The following KCTD9 variants were observed in gnomAD, a reference collection of about 807,000 sequenced individuals.
The protein encoded by KCTD9 is BTB/POZ domain-containing protein KCTD9.
Under a neutral mutation model 53.3 loss-of-function variants are expected in KCTD9, and 17 were observed. The observed-to-expected ratio is 0.32, with a 90% CI of 0.22 to 0.48. The LOEUF (loss-of-function observed/expected upper bound fraction) is 0.48, where lower values mean the gene tolerates loss of function less well. KCTD9 is among the 20% of genes least tolerant of loss of function. The pLI, the probability that KCTD9 is intolerant of heterozygous loss-of-function variation, is 0.99. For synonymous variants in KCTD9, 128 were observed against 162.7 expected (o/e 0.79, Z 1.62); for missense variants, 179 against 465.5 (o/e 0.38, Z 5.66).
At chr8:25,439,145 G>A in intron 6 of KCTD9, 134 bp downstream of exon 6, 1 of 722,714 alleles carries the variant, frequency 1.4e-6, no homozygotes, top group Non-Finnish European at 2.1e-6. Context: ...AAAACATCTA[G>A]TTTAAAAAAT....
chr8:25,435,555 T>A, intron 8 of KCTD9, 43 bp from the exon 9 acceptor site: 2 of 1,542,188 alleles, frequency 1.3e-6, no homozygotes, highest in Non-Finnish European at 1.7e-6. Context: ...CTAAATCGTC[T>A]GTTTGTATTA....
intron 6 of KCTD9, among the ~76,000 whole-genome samples, chr8:25,436,927 G>T (rs915858506): frequency 6.6e-6 from 1 of 152,152 alleles, no homozygotes; most frequent in African/African-American, 2.4e-5. Context: ...CAATCAGTTG[G>T]CTGTTGACTC....
At chr8:25,432,737 T>C in intron 10 of KCTD9, 100 bp from the exon 11 acceptor site, 1 of 1,041,858 alleles carries the variant, frequency 9.6e-7, no homozygotes, top group Non-Finnish European at 1.4e-6. Context: ...TTTTAACTTT[T>C]GGAAATTAAT....
At chr8:25,444,264 G>A (rs758390925) in intron 3 of KCTD9, 28 bp downstream of exon 3, 20 of 1,329,766 alleles carry the variant, frequency 1.5e-5, no homozygotes, top group East Asian at 1.1e-4. Context: ...TTTTTTGGCA[G>A]ATAAAATTGG....
intron 1 of KCTD9, among the ~76,000 whole-genome samples, chr8:25,449,216 A>G (rs2117433071): frequency 6.6e-6 from 1 of 152,346 alleles, no homozygotes; most frequent in Non-Finnish European, 1.5e-5. Flanking sequence ...AAAAGAGGGT[A>G]AGAAGCACAA....
intron 3 of KCTD9, among the ~76,000 whole-genome samples, chr8:25,441,296 C>T (rs1011238029): frequency 6.6e-6 from 1 of 151,992 alleles, no homozygotes; most frequent in African/African-American, 2.4e-5. Context: ...AACTCTAGAG[C>T]CATGAAATTG....
rs1236374988 is a variant in KCTD9, at chr8:25,435,526, G to C, written c.664-14C>G. 8.9e-6 allele frequency: 14 copies of C among 1,579,912 alleles called. No individual in the cohort carries two copies. Among genetic ancestry groups the C allele is most frequent in the African/African-American group, 1.4e-5 (1 of 73,018 alleles). On this transcript the variant is annotated splice_polypyrimidine_tract_variant and intron_variant, in intron 8 of 11. Coordinates refer to ENST00000221200, the MANE Select transcript of KCTD9 (RefSeq NM_017634.4). ...GAAGTTCAAACCCTGAAATAAAAAA[G>C]CACAAATTGTCACCATAACTAAATC...
At chr8:25,456,017 G>A (rs922749576) in intron 1 of KCTD9, among the ~76,000 whole-genome samples, 3 of 152,242 alleles carry the variant, frequency 2.0e-5, no homozygotes, top group East Asian at 1.9e-4. Context: ...TCTCTCCAAC[G>A]TCAAATACGT....
At chr8:25,447,865 G>A (rs939246904) in intron 1 of KCTD9, among the ~76,000 whole-genome samples, 2 of 152,192 alleles carry the variant, frequency 1.3e-5, no homozygotes, top group Non-Finnish European at 2.9e-5. Flanking sequence ...AATGGCTCAT[G>A]CCTGTAATCC....
rs183817821 is a variant in KCTD9, at chr8:25,429,749, A to G, written c.*108T>C. ...ATAATCCTCTAAATGTTTTTTTTTT[A>G]AATTTCCTTACAGTGTTATTTCTTC... On this transcript the variant is annotated 3_prime_UTR_variant, in exon 12 of 12. Transcript: ENST00000221200. The G allele has an allele frequency of 1.5e-5, 10 of 653,938 alleles. No individual in the cohort carries two copies. The highest frequency in any genetic ancestry group is 9.2e-5 in the African/African-American group (5 of 54,418). The allele number at this position is 653,938 out of a possible 1,614,324, so 40.5% of individuals were successfully genotyped here.
At chr8:25,439,807 C>T (rs949369430) in intron 4 of KCTD9, 143 bp from the exon 5 acceptor site, 6 of 1,472,726 alleles carry the variant, frequency 4.1e-6, no homozygotes, top group Non-Finnish European at 4.5e-6. Flanking sequence ...GAAACAAAAA[C>T]GTGCAGTAAG....
chr8:25,435,329 T>C (rs1801998085), intron 9 of KCTD9, 34 bp downstream of exon 9: 3 of 1,489,284 alleles, frequency 2.0e-6, no homozygotes, highest in Non-Finnish European at 2.7e-6. Context: ...GACTAAACAT[T>C]TAATTTTCTC....
chr8:25,447,054 T>C (rs1434668857), intron 1 of KCTD9, among the ~76,000 whole-genome samples: 1 of 152,212 alleles, frequency 6.6e-6, no homozygotes, highest in Non-Finnish European at 1.5e-5. Context: ...GACTGAGTTG[T>C]GCAGTTGCAC....
intron 1 of KCTD9, among the ~76,000 whole-genome samples, chr8:25,449,820 G>GAA (rs762163345): frequency 2.2e-5 from 3 of 136,842 alleles, no homozygotes; most frequent in South Asian, 2.3e-4. Context: ...TTAAAGAGCA[G>GAA]AAAAAAAAAA....
chr8:25,441,677 A>C (rs1242004606), intron 3 of KCTD9, among the ~76,000 whole-genome samples: 1 of 152,128 alleles, frequency 6.6e-6, no homozygotes, highest in Non-Finnish European at 1.5e-5. Flanking sequence ...GGGAAAGAAA[A>C]GGTAAAAAAG....
chr8:25,442,911 T>C (rs1451818156), intron 3 of KCTD9, among the ~76,000 whole-genome samples: 1 of 152,170 alleles, frequency 6.6e-6, no homozygotes, highest in Non-Finnish European at 1.5e-5. Context: ...TGTGACATTA[T>C]AATTCTATTA....
At chr8:25,454,535 G>C (rs1381026813) in intron 1 of KCTD9, among the ~76,000 whole-genome samples, 1 of 152,182 alleles carries the variant, frequency 6.6e-6, no homozygotes, top group Non-Finnish European at 1.5e-5. Flanking sequence ...TTTCCTTAAT[G>C]CCAACTCTTA....
intron 1 of KCTD9, among the ~76,000 whole-genome samples, chr8:25,456,303 G>C (rs1180895673): frequency 6.6e-6 from 1 of 152,210 alleles, no homozygotes; most frequent in African/African-American, 2.4e-5. Flanking sequence ...TATTCTATTT[G>C]AGTAGCACTT....
At chr8:25,455,249 A>C (rs1369233543) in intron 1 of KCTD9, among the ~76,000 whole-genome samples, 1 of 148,972 alleles carries the variant, frequency 6.7e-6, no homozygotes, top group African/African-American at 2.6e-5. Flanking sequence ...ATAAATAATA[A>C]ATAAATAAAT....
Sources: gnomAD v4.1 joint callset for allele counts (sites outside exome capture counted in the v4.1 genomes callset) on GRCh38, gnomAD v4.1.1 for gene constraint, MANE v1.5 for transcripts, NCBI Gene and HGNC (gene_info 2026-07-23, HGNC 2026-07-21) for gene names.